Variants in SLC4A10 observed in about 807,000 individuals in gnomAD.
SLC4A10 encodes the protein solute carrier family 4 member 10.
SLC4A10 carries 42 observed loss-of-function variants against 137.7 expected under a neutral mutation model. The ratio of observed to expected loss-of-function variants is 0.30; its 90% CI spans 0.24 to 0.39. The LOEUF is 0.39. SLC4A10 is among the 10% of genes least tolerant of loss of function. The pLI, the probability that SLC4A10 is intolerant of heterozygous loss-of-function variation, is 1.00. For synonymous variants in SLC4A10, 474 were observed against 464.1 expected, an observed-to-expected ratio of 1.02 and a Z score of -0.27; for missense variants, 925 against 1,355.0, an observed-to-expected ratio of 0.68 and a Z score of 4.98.
rs1690725233 is a variant in SLC4A10 at position 161,933,126 on chromosome 2, CCTG to C, written c.1998-9665_1998-9663del. Among the ~76,000 whole-genome samples the C allele has an allele frequency of 3.7e-4, 11 of 29,746 alleles. 2 individuals are homozygous for C. Among genetic ancestry groups the C allele is most frequent in the Admixed American group, 3.4e-3 (9 of 2,686 alleles). 19.5% of individuals were successfully genotyped at this position (29,746 alleles called of 152,430 possible). ...TATCTTTCTTTCTCTTTCTTTCCTG[CCTG>C]TTTTTCTTTCTTTTCTTCTTTCTTT... On this transcript the variant is annotated intron_variant, in intron 15 of 26. Transcript: ENST00000446997.
At chr2:161,851,682 A>G (rs1384659044) in intron 4 of SLC4A10, among the ~76,000 whole-genome samples, 3 of 152,142 alleles carry the variant, frequency 2.0e-5, no homozygotes, top group Non-Finnish European at 2.9e-5. Context: ...GGGTTTTATC[A>G]TTCTATATAG....
chr2:161,865,356 T>C (rs2060676923), intron 6 of SLC4A10, among the ~76,000 whole-genome samples: 2 of 152,080 alleles, frequency 1.3e-5, no homozygotes, highest in Non-Finnish European at 2.9e-5. Context: ...TTTGTCTTAT[T>C]TAGGAAATGG....
intron 3 of SLC4A10, among the ~76,000 whole-genome samples, chr2:161,821,846 A>G (rs938609665): frequency 6.6e-6 from 1 of 152,200 alleles, no homozygotes; most frequent in Non-Finnish European, 1.5e-5. Context: ...ATCTTTTGTG[A>G]AAATAACCTA....
intron 1 of SLC4A10, among the ~76,000 whole-genome samples, chr2:161,668,199 A>G (rs898769108): frequency 2.6e-5 from 4 of 151,780 alleles, no homozygotes; most frequent in Admixed American, 1.3e-4. Flanking sequence ...CTGACTATAT[A>G]CCCAGAATTT....
chr2:161,944,693 A>G (rs1408408619), intron 16 of SLC4A10, among the ~76,000 whole-genome samples: 1 of 151,658 alleles, frequency 6.6e-6, no homozygotes, highest in Non-Finnish European at 1.5e-5. Context: ...CAGTTTTTGC[A>G]ATGGATAATT....
chr2:161,686,292 C>G (rs1333693095), intron 1 of SLC4A10, among the ~76,000 whole-genome samples: 1 of 151,854 alleles, frequency 6.6e-6, no homozygotes, highest in Non-Finnish European at 1.5e-5. Flanking sequence ...AAAGAAAGAA[C>G]AAGCAATTCT....
At chr2:161,649,010 T>A (rs951820144) in intron 1 of SLC4A10, among the ~76,000 whole-genome samples, 12 of 152,196 alleles carry the variant, frequency 7.9e-5, no homozygotes, top group Non-Finnish European at 1.6e-4. Flanking sequence ...CCAGATTGGC[T>A]GACCCAATTT....
At chr2:161,926,204 A>C (rs1689043953) in intron 15 of SLC4A10, among the ~76,000 whole-genome samples, 1 of 150,846 alleles carries the variant, frequency 6.6e-6, no homozygotes. Flanking sequence ...TTTGTAGGTC[A>C]CTCAGGACTT....
chr2:161,744,663 A>G (rs1269877452), intron 1 of SLC4A10, among the ~76,000 whole-genome samples: 1 of 152,168 alleles, frequency 6.6e-6, no homozygotes, highest in Non-Finnish European at 1.5e-5. Flanking sequence ...AATGGATGAC[A>G]ACTTAACTCT....
At chr2:161,877,832 A>G (rs1038114177) in intron 8 of SLC4A10, among the ~76,000 whole-genome samples, 1 of 151,960 alleles carries the variant, frequency 6.6e-6, no homozygotes, top group African/African-American at 2.4e-5. Context: ...AAAATAAAAT[A>G]ATGATTCTAT....
At chr2:161,782,821 A>G (rs1410976924) in intron 2 of SLC4A10, among the ~76,000 whole-genome samples, 1 of 150,404 alleles carries the variant, frequency 6.6e-6, no homozygotes, top group Non-Finnish European at 1.5e-5. Context: ...CAAAATAATG[A>G]AAAAGAATAA....
At chr2:161,890,652 C>T (rs556559708) in intron 10 of SLC4A10, among the ~76,000 whole-genome samples, 91 of 152,200 alleles carry the variant, frequency 6.0e-4, no homozygotes, top group African/African-American at 2.1e-3. Context: ...GGTAAATGTT[C>T]CTCTATCCCT....
chr2:161,663,557 C>T (rs2038699910), intron 1 of SLC4A10, among the ~76,000 whole-genome samples: 1 of 151,922 alleles, frequency 6.6e-6, no homozygotes, highest in South Asian at 2.1e-4. Flanking sequence ...TGAATCTAAA[C>T]ATGTTACTTA....
intron 1 of SLC4A10, among the ~76,000 whole-genome samples, chr2:161,627,777 A>T (rs2032727361): frequency 6.6e-6 from 1 of 152,098 alleles, no homozygotes; most frequent in Admixed American, 6.6e-5. Context: ...GTAACAACTG[A>T]CTGCTATGTC....
intron 3 of SLC4A10, among the ~76,000 whole-genome samples, chr2:161,831,733 G>A (rs893700199): frequency 3.9e-5 from 6 of 152,102 alleles, no homozygotes; most frequent in South Asian, 2.1e-4. Context: ...CAAAGAATGC[G>A]TTGAAGAATG....
intron 2 of SLC4A10, among the ~76,000 whole-genome samples, chr2:161,774,038 A>T (rs926116402): frequency 1.3e-5 from 2 of 151,668 alleles, no homozygotes; most frequent in African/African-American, 2.4e-5. Context: ...CTTTCCCATT[A>T]TACAGCCTCC....
chr2:161,770,344 A>G (rs1002968490), intron 1 of SLC4A10, among the ~76,000 whole-genome samples: 13 of 151,956 alleles, frequency 8.6e-5, no homozygotes, highest in African/African-American at 2.9e-4. Context: ...TACTCAGAAG[A>G]CATAGTCTCT....
intron 2 of SLC4A10, among the ~76,000 whole-genome samples, chr2:161,785,431 A>G (rs2053513294): frequency 6.6e-6 from 1 of 151,828 alleles, no homozygotes; most frequent in Non-Finnish European, 1.5e-5. Context: ...AAAATTACAT[A>G]ATAATATCTC....
At chr2:161,821,271 G>T (rs1253094989) in intron 3 of SLC4A10, among the ~76,000 whole-genome samples, 1 of 152,076 alleles carries the variant, frequency 6.6e-6, no homozygotes, top group African/African-American at 2.4e-5. Flanking sequence ...AGCAGAGTCT[G>T]CTAAGAGGCT....
Sources: allele counts gnomAD v4.1 joint callset (sites outside exome capture counted in the v4.1 genomes callset), GRCh38; gene constraint gnomAD v4.1.1; transcripts MANE v1.5; gene names NCBI Gene and HGNC (gene_info 2026-07-23, HGNC 2026-07-21).